Variants in PRKACB observed in about 807,000 individuals in gnomAD.
The protein encoded by PRKACB is cAMP-dependent protein kinase catalytic subunit beta.
PRKACB carries 16 observed loss-of-function variants against 51.4 expected under a neutral mutation model. The ratio of observed to expected loss-of-function variants is 0.31; its 90% CI spans 0.21 to 0.47. PRKACB has a LOEUF of 0.47. Ranked by LOEUF, PRKACB falls within the 20% of genes least tolerant of loss-of-function variation. The probability of loss-of-function intolerance (pLI) is 1.00; values close to 1 mark genes in which losing one functional copy is unlikely to be tolerated. For synonymous variants in PRKACB, 147 were observed against 154.4 expected, an observed-to-expected ratio of 0.95 and a Z score of 0.35; for missense variants, 309 against 464.5, an observed-to-expected ratio of 0.67 and a Z score of 3.08.
rs1225232888 is a variant in PRKACB, at chr1:84,237,791, T to C, written c.*2486T>C. The C allele has an allele frequency of 2.0e-5, 3 of 152,170 alleles. No individual in the cohort carries two copies. The highest frequency in any genetic ancestry group is 4.4e-5 in the Non-Finnish European group (3 of 67,994). The allele number at this position is 152,170 out of a possible 1,614,324, so 9.4% of individuals were successfully genotyped here. On this transcript the variant is annotated 3_prime_UTR_variant, in exon 10 of 10. Coordinates refer to ENST00000370685, the MANE Select transcript of PRKACB (RefSeq NM_182948.4). Reference sequence around the variant, plus strand: ...CTCAGTAAATAATTAAGAGATGGCATTGTGTAAGAAGGAGCCCTAGACTGA... The same window carrying C: ...CTCAGTAAATAATTAAGAGATGGCACTGTGTAAGAAGGAGCCCTAGACTGA...
rs182706700 is a variant in PRKACB at position 84,098,206 on chromosome 1, A to G, written c.46+19835A>G. 1.2e-3 allele frequency among the ~76,000 whole-genome samples: 186 copies of G among 152,240 alleles called. 1 individual carries two copies. Among genetic ancestry groups the G allele is most frequent in the Admixed American group, 4.8e-3 (73 of 15,270 alleles). ...TATTTTTCTACTGGGAAAAGAAAATAGGAGTTATTATTTTGCAGAAATGTT... is the reference window on the plus strand; with the variant it reads ...TATTTTTCTACTGGGAAAAGAAAATGGGAGTTATTATTTTGCAGAAATGTT... On this transcript the variant is annotated intron_variant, in intron 1 of 8. Transcript: ENST00000370688.
At chr1:84,175,007 T>C (rs1300207719) in intron 1 of PRKACB, 10 of 1,461,306 alleles carry the variant, frequency 6.8e-6, no homozygotes, top group Non-Finnish European at 9.1e-6. Context: ...ATTTAATCAT[T>C]TTCTAATTTA....
intron 1 of PRKACB, among the ~76,000 whole-genome samples, chr1:84,093,903 T>G (rs1036958614): frequency 1.3e-5 from 2 of 152,002 alleles, no homozygotes; most frequent in Non-Finnish European, 2.9e-5. Flanking sequence ...AGTTTTATCT[T>G]CTAATTTTTC....
In PRKACB at chr1:84,080,992, A is replaced by G. The variant is rs192382966; in HGVS notation, c.46+2621A>G. On this transcript the variant is annotated intron_variant, in intron 1 of 8. Transcript: ENST00000370688. ...GTCTAATGGGAAAGAAAATATGTATATATAAGAGTTACCTGAAAGGCAAAA... is the reference window on the plus strand; with the variant it reads ...GTCTAATGGGAAAGAAAATATGTATGTATAAGAGTTACCTGAAAGGCAAAA... 1.7e-3 allele frequency among the ~76,000 whole-genome samples: 254 copies of G among 152,346 alleles called. 1 individual carries two copies. Among genetic ancestry groups the G allele is most frequent in the Non-Finnish European group, 2.6e-3 (177 of 68,014 alleles).
chr1:84,124,570 A>G lies in PRKACB; in HGVS notation c.46+46199A>G, dbSNP rs566825984. ...ATTTGTAATGTTGCTGTCTGAGCCT[A>G]TAGCCCCCTACCTTCACCTCTTTAT... is the stretch of plus-strand genomic sequence containing the variant. On this transcript the variant is annotated intron_variant, in intron 1 of 8. Coordinates refer to the PRKACB transcript ENST00000370688. Among the ~76,000 whole-genome samples the G allele has an allele frequency of 3.3e-5, 5 of 152,330 alleles. No homozygotes were observed. In the South Asian group the frequency reaches 6.2e-4, roughly 19 times the overall value.
At chr1:84,188,694 A>T (rs1665901124) in intron 5 of PRKACB, among the ~76,000 whole-genome samples, 1 of 151,948 alleles carries the variant, frequency 6.6e-6, no homozygotes, top group South Asian at 2.1e-4. Flanking sequence ...CTCTTATATA[A>T]TTTAAAAATA....
chr1:84,189,860 G>A (rs1174138308), intron 5 of PRKACB, among the ~76,000 whole-genome samples: 1 of 151,914 alleles, frequency 6.6e-6, no homozygotes, highest in East Asian at 1.9e-4. Context: ...AATATAGAGA[G>A]CAAGATTCTG....
chr1:84,200,164 T>TA (rs1669669110), intron 7 of PRKACB, among the ~76,000 whole-genome samples: 1 of 152,134 alleles, frequency 6.6e-6, no homozygotes, highest in Middle Eastern at 3.2e-3. Context: ...TACTTTTTAG[T>TA]AATAGCCATT....
At chr1:84,102,870 T>C (rs1220071204) in intron 1 of PRKACB, among the ~76,000 whole-genome samples, 1 of 152,188 alleles carries the variant, frequency 6.6e-6, no homozygotes, top group Non-Finnish European at 1.5e-5. Context: ...TTAGAATTGC[T>C]ATTGATGAGG....
At chr1:84,125,388 T>C (rs1651486915) in intron 1 of PRKACB, among the ~76,000 whole-genome samples, 3 of 152,316 alleles carry the variant, frequency 2.0e-5, no homozygotes, top group South Asian at 4.1e-4. Context: ...GGTTCTCTGC[T>C]TTCAAGAGCA....
At chr1:84,078,367 G>C (rs1166912432) in exon 1 of PRKACB, 1 of 1,612,048 alleles carries the variant, frequency 6.2e-7, no homozygotes, top group African/African-American at 1.3e-5. Flanking sequence ...GCGAGGTGGA[G>C]AGCGGTGAGT....
rs537887455 is a variant in PRKACB, at chr1:84,207,614, G to A, written c.906+4809G>A. Among the ~76,000 whole-genome samples, 22 of 152,216 alleles carry A rather than the reference G, an allele frequency of 1.4e-4. 2 individuals are homozygous for A. Among genetic ancestry groups the A allele is most frequent in the East Asian group, 7.7e-4 (4 of 5,182 alleles). ...TGTTAAAATTTATCTCAACATGCTC[G>A]TAGCCAGTAGTTAGTAGATTATTGC... On this transcript the variant is annotated intron_variant, in intron 8 of 9. Coordinates refer to ENST00000370685, the MANE Select transcript of PRKACB (RefSeq NM_182948.4).
chr1:84,116,089 C>T (rs1650616185), intron 1 of PRKACB, among the ~76,000 whole-genome samples: 1 of 152,006 alleles, frequency 6.6e-6, no homozygotes, highest in South Asian at 2.1e-4. Flanking sequence ...TTCCCAGGAC[C>T]ATTTATTGAA....
chr1:84,097,006 T>G (rs958600163), intron 1 of PRKACB, among the ~76,000 whole-genome samples: 10 of 152,158 alleles, frequency 6.6e-5, no homozygotes, highest in African/African-American at 2.4e-4. Flanking sequence ...AATTATACTG[T>G]TTTATATCTG....
intron 1 of PRKACB, among the ~76,000 whole-genome samples, chr1:84,101,491 G>T (rs1228656533): frequency 6.6e-6 from 1 of 151,958 alleles, no homozygotes; most frequent in Non-Finnish European, 1.5e-5. Context: ...CAGGTTTGGG[G>T]GTTGGTGGTT....
intron 8 of PRKACB, among the ~76,000 whole-genome samples, chr1:84,206,132 C>A (rs903141710): frequency 2.6e-5 from 4 of 152,118 alleles, no homozygotes; most frequent in Non-Finnish European, 5.9e-5. Context: ...GAAACCATAA[C>A]TTTAGAGCCC....
At chr1:84,199,028 CAT>C (rs779198192) in intron 7 of PRKACB, among the ~76,000 whole-genome samples, 44 of 142,602 alleles carry the variant, frequency 3.1e-4, no homozygotes, top group South Asian at 4.5e-4. Flanking sequence ...TATATATACA[CAT>C]ATATACGCAT....
chr1:84,127,121 T>G (rs1174886376), intron 1 of PRKACB, among the ~76,000 whole-genome samples: 2 of 152,230 alleles, frequency 1.3e-5, no homozygotes, highest in Non-Finnish European at 2.9e-5. Context: ...CTCTTTTCTT[T>G]GTACTTCAGG....
chr1:84,235,130 C>T lies in PRKACB; in HGVS notation c.1072-50C>T, dbSNP rs763470044. ...ATTTTTCTTGGTGTTTGGAAACTCT[C>T]AGGAATTTTTTTTTCCTTTTTCTTA... On this transcript the variant is annotated intron_variant, in intron 9 of 9. Transcript: ENST00000370685. 5.8e-6 allele frequency: 9 copies of T among 1,560,440 alleles called. No individual in the cohort carries two copies. In the East Asian group the frequency reaches 2.0e-4, roughly 35 times the overall value.
Sources: allele counts gnomAD v4.1 joint callset (sites outside exome capture counted in the v4.1 genomes callset), GRCh38; gene constraint gnomAD v4.1.1; transcripts MANE v1.5; gene names NCBI Gene and HGNC (gene_info 2026-07-23, HGNC 2026-07-21).